DISP2: variants seen among roughly 807,000 people sequenced by gnomAD.
DISP2 encodes the protein dispatched RND transporter family member 2, also known as protein dispatched homolog 2.
A neutral mutation model predicts 95.5 loss-of-function variants in DISP2; 59 were observed. That is an observed-to-expected ratio of 0.62 (90% confidence interval 0.50 to 0.77). The LOEUF (loss-of-function observed/expected upper bound fraction) is 0.77. DISP2 is among the 30% of genes least tolerant of loss of function. The pLI is 0.00. For synonymous variants in DISP2, 827 were observed against 815.0 expected (o/e 1.01, Z -0.25); for missense variants, 1,752 against 1,854.6 (o/e 0.94, Z 1.02).
In DISP2 at chr15:40,363,686, T is replaced by C; in HGVS notation, c.181T>C (p.Cys61Arg). 6.3e-7 allele frequency: 1 copy of C among 1,599,614 alleles called. No homozygotes were observed. Reference sequence around the variant, plus strand: ...AGAGAGAAGCTGCTCCCTCCACAGCTGCCCCCTGGAGGACCCTTCCAGCTC... The same window carrying C: ...AGAGAGAAGCTGCTCCCTCCACAGCCGCCCCCTGGAGGACCCTTCCAGCTC... ...SPERSCSLHS[C>R]PLEDPSSSSG... The change falls in exon 2 of 8, where the codon TGC becomes CGC. Residue 61 changes from cysteine to arginine, a missense_variant. Transcript: ENST00000267889.
At chr15:40,365,821 G>A in intron 7 of DISP2, 96 bp downstream of exon 7, 2 of 1,220,440 alleles carry the variant, frequency 1.6e-6, no homozygotes, top group Middle Eastern at 4.9e-4. Flanking sequence ...ACTGCCAGGG[G>A]GTGGACTGGG....
rs1015808441 is a variant in DISP2 at position 40,358,244 on chromosome 15, T to TGCCGCCGCCACCGCCGCCGCC, written c.-68_-48dup. The TGCCGCCGCCACCGCCGCCGCC allele has an allele frequency of 1.8e-5, 14 of 779,808 alleles. No homozygotes were observed. In the Admixed American group the frequency reaches 5.9e-4, roughly 33 times the overall value. The allele number at this position is 779,808 out of a possible 1,614,324, so 48.3% of individuals were successfully genotyped here. A position where few individuals can be genotyped will look rare whatever the true frequency, so the allele number is the denominator to read the frequency against. ...ATGCGCACGAGCACCCCGCCGCCGCTGCCGCCGCCACCGCCGCCGCCGCCG... is the reference window on the plus strand; with the variant it reads ...ATGCGCACGAGCACCCCGCCGCCGCTGCCGCCGCCACCGCCGCCGCCGCCGCCGCCACCGCCGCCGCCGCCG... On this transcript the variant is annotated 5_prime_UTR_variant, in exon 1 of 8. Coordinates refer to ENST00000267889, the MANE Select transcript of DISP2 (RefSeq NM_033510.3).
In DISP2 at chr15:40,370,015, C is replaced by T; in HGVS notation, c.3903C>T (p.Ser1301=). Residue 1301 remains serine, a synonymous_variant, in exon 8 of 8, where the codon AGC becomes AGT. Transcript: ENST00000267889. ...GLSVSDETCL[S]TSEPSARVPD... ...GCGTCTCTGATGAGACCTGCCTAAG[C>T]ACCTCTGAGCCCAGTGCCCGTGTAC... 5 of 1,614,094 alleles carry T rather than the reference C, an allele frequency of 3.1e-6. No individual in the cohort carries two copies. Among genetic ancestry groups the T allele is most frequent in the Non-Finnish European group, 3.4e-6 (4 of 1,180,028 alleles).
At chr15:40,362,845 C>T (rs567392315) in intron 1 of DISP2, among the ~76,000 whole-genome samples, 1 of 152,220 alleles carries the variant, frequency 6.6e-6, no homozygotes, top group African/African-American at 2.4e-5. Context: ...AGCACGTGCT[C>T]AATAATCTGT....
chr15:40,363,022 G>A (rs762879222), intron 1 of DISP2, among the ~76,000 whole-genome samples: 11 of 152,106 alleles, frequency 7.2e-5, no homozygotes, highest in African/African-American at 1.4e-4. Flanking sequence ...GAGTAAGATC[G>A]GCTGGGCGCG....
rs1158706008 is a variant in DISP2 at position 40,370,937 on chromosome 15, CAGG to C, written c.*622_*624del. 1 of 264,984 alleles carries C rather than the reference CAGG, an allele frequency of 3.8e-6. No individual in the cohort carries two copies. Among genetic ancestry groups the C allele is most frequent in the South Asian group, 4.2e-5 (1 of 23,968 alleles). 16.4% of individuals were successfully genotyped at this position (264,984 alleles called of 1,614,324 possible). Reference sequence around the variant, plus strand: ...CCATAGATGGCTGCTGGGTGTGCAGCAGGAGAAGGAGGATGGTCAGCCTTGGAG... The same window carrying C: ...CCATAGATGGCTGCTGGGTGTGCAGCAGAAGGAGGATGGTCAGCCTTGGAG... On this transcript the variant is annotated 3_prime_UTR_variant, in exon 8 of 8. Transcript: ENST00000267889.
rs1889726879 is a variant in DISP2, at chr15:40,375,958, G to GT, written c.*5641dup. 6.6e-6 allele frequency: 1 copy of GT among 152,084 alleles called. No homozygotes were observed. Among genetic ancestry groups the GT allele is most frequent in the South Asian group, 2.1e-4 (1 of 4,820 alleles). The allele number at this position is 152,084 out of a possible 1,614,324, so 9.4% of individuals were successfully genotyped here. ...CTACTCTGGCTCCTTGCTCTGCGCT[G>GT]TAAAAAACAAATAAAAGGGCCACTT... On this transcript the variant is annotated 3_prime_UTR_variant, in exon 8 of 8. Transcript: ENST00000267889.
chr15:40,358,334 A>AGCAGCAGCAGCAGCG lies in DISP2; in HGVS notation c.16_30dup (p.Ser6_Gly10dup), dbSNP rs1889349112. On this transcript the variant is annotated inframe_insertion, in exon 1 of 8. Coordinates refer to ENST00000267889, the MANE Select transcript of DISP2 (RefSeq NM_033510.3). The stretch of plus-strand genomic sequence containing the variant: ...GCCGCCCACGGGCATGGACGGTGAC[A>AGCAGCAGCAGCAGCG]GCAGCAGCAGCAGCGGCGGCAGCGG... 7.5e-7 allele frequency: 1 copy of AGCAGCAGCAGCAGCG among 1,342,118 alleles called. No individual in the cohort carries two copies. Among genetic ancestry groups the AGCAGCAGCAGCAGCG allele is most frequent in the African/African-American group, 1.5e-5 (1 of 65,926 alleles). 83.1% of individuals were successfully genotyped at this position (1,342,118 alleles called of 1,614,324 possible).
Position 40,365,656 on chromosome 15 carries a change from G to A in DISP2, c.876G>A (p.Met292Ile). ...AGAGCTATGCAAAGCTGGTGTTCATGTCCACCTCCTCGGGCAGCCTATGGA... is the reference window on the plus strand; with the variant it reads ...AGAGCTATGCAAAGCTGGTGTTCATATCCACCTCCTCGGGCAGCCTATGGA... ...PEKSYAKLVFMSTSSGSLWNL... is the reference protein window; with the variant it reads ...PEKSYAKLVFISTSSGSLWNL... The change falls in exon 7 of 8, where the codon ATG becomes ATA. Residue 292 changes from methionine (M) to isoleucine (I), a missense_variant. Met to Ile is a conservative substitution (Grantham distance 10, BLOSUM62 1). Transcript: ENST00000267889. 2.5e-6 allele frequency: 4 copies of A among 1,614,144 alleles called. No homozygotes were observed. The Middle Eastern group carries it at 6.6e-4, about 266-fold the overall frequency.
At position 40,367,695 on chromosome 15, in the gene DISP2, T is replaced by C. The variant is rs1352209492; in HGVS notation, c.1583T>C (p.Phe528Ser). 1.2e-6 allele frequency: 2 copies of C among 1,613,822 alleles called. No individual in the cohort carries two copies. The highest frequency in any genetic ancestry group is 3.3e-5 in the Admixed American group (2 of 60,012). ...LGVLGSLLVA[F>S]FLYQVAFRMA... ...GTGCTGGGCTCACTGCTGGTGGCCT[T>C]CTTCCTTTACCAGGTGGCCTTCCGC... Residue 528 changes from phenylalanine to serine, a missense_variant, in exon 8 of 8, where the codon TTC becomes TCC. Physicochemically the swap from Phe to Ser is radical, Grantham distance 155. This residue lies in a region of DISP2 where 732 missense variants were observed against 714.6 expected (regional missense o/e 1.02). Transcript: ENST00000267889.
At position 40,370,286 on chromosome 15, in the gene DISP2, C is replaced by G. The variant is rs750197915; in HGVS notation, c.4174C>G (p.Pro1392Ala). The G allele has an allele frequency of 6.4e-7, 1 of 1,553,698 alleles. No homozygotes were observed. The highest frequency in any genetic ancestry group is 8.7e-7 in the Non-Finnish European group (1 of 1,148,968). ...PDLPDVWLRRPSTHTSGYSS is the reference protein window; with the variant it reads ...PDLPDVWLRRASTHTSGYSS ...CCTGCCAGATGTTTGGCTGCGCAGG[C>G]CCAGCACTCACACGTCAGGCTATAG... The change falls in exon 8 of 8, where the codon CCC (proline) becomes GCC (alanine). Residue 1392 changes from proline (P) to alanine (A), a missense_variant. Physicochemically the swap from Pro to Ala is conservative, Grantham distance 27 (BLOSUM62 -1). Around this residue, in one of 5 missense-constraint regions of DISP2, gnomAD observed 347 missense variants for 344.2 expected, o/e 1.01. Coordinates refer to ENST00000267889, the MANE Select transcript of DISP2 (RefSeq NM_033510.3).
rs1333217104 is a variant in DISP2 at position 40,374,024 on chromosome 15, T to C, written c.*3706T>C. ...ATCTTAAAAAAAAAAAATATATATA[T>C]ATATATATGTAAACTTGATATAGTC... On this transcript the variant is annotated 3_prime_UTR_variant, in exon 8 of 8. Coordinates refer to ENST00000267889, the MANE Select transcript of DISP2 (RefSeq NM_033510.3). The C allele has an allele frequency of 8.0e-6, 1 of 124,308 alleles. No homozygotes were observed. Among genetic ancestry groups the C allele is most frequent in the Non-Finnish European group, 1.7e-5 (1 of 59,104 alleles). The allele number at this position is 124,308 out of a possible 1,614,324, so 7.7% of individuals were successfully genotyped here. A position where few individuals can be genotyped will look rare whatever the true frequency, so the allele number is the denominator to read the frequency against.
At position 40,372,159 on chromosome 15, in the gene DISP2, G is replaced by A. The variant is rs914369064; in HGVS notation, c.*1841G>A. On this transcript the variant is annotated 3_prime_UTR_variant, in exon 8 of 8. Coordinates refer to ENST00000267889, the MANE Select transcript of DISP2 (RefSeq NM_033510.3). ...CTACTCTGGTGGGCGCTGGGTGTTG[G>A]GGGTGGAGTCAGCTTAGCCTGTCTT... is the stretch of plus-strand genomic sequence containing the variant. 1 of 152,148 alleles carries A rather than the reference G, an allele frequency of 6.6e-6. No individual in the cohort carries two copies. Among genetic ancestry groups the A allele is most frequent in the African/African-American group, 2.4e-5 (1 of 41,412 alleles). The allele number at this position is 152,148 out of a possible 1,614,324, so 9.4% of individuals were successfully genotyped here. A position where few individuals can be genotyped will look rare whatever the true frequency, so the allele number is the denominator to read the frequency against.
At position 40,363,895 on chromosome 15, in the gene DISP2, C is replaced by G. The variant is rs762737284; in HGVS notation, c.390C>G (p.Pro130=). Residue 130 remains proline (P), a synonymous_variant, in exon 2 of 8, where the codon CCC becomes CCG. Transcript: ENST00000267889. ...CCAGCCTCAGCCCTTCTCCAGCCCC[C>G]TCACAGCGCGATGGGACCTGGAAGC... ...HGSSLSPSPA[P]SQRDGTWKPP... 6.3e-7 allele frequency: 1 copy of G among 1,575,394 alleles called. No homozygotes were observed. The highest frequency in any genetic ancestry group is 8.6e-7 in the Non-Finnish European group (1 of 1,158,176).
chr15:40,364,588 C>A (rs1423673972), intron 4 of DISP2, 44 bp downstream of exon 4: 14 of 1,598,958 alleles, frequency 8.8e-6, no homozygotes, highest in Non-Finnish European at 1.2e-5. Flanking sequence ...GCCTGGCCAC[C>A]TTGACCCAGC....
Position 40,373,510 on chromosome 15 carries a change from C to T in DISP2, c.*3192C>T, listed in dbSNP as rs1421931608. ...CTAGACGTTAGGAGTTTGAGACCAG[C>T]CTGGCCAACATGGTGAAACCCCGCC... On this transcript the variant is annotated 3_prime_UTR_variant, in exon 8 of 8. Coordinates refer to ENST00000267889, the MANE Select transcript of DISP2 (RefSeq NM_033510.3). 6.7e-6 allele frequency: 1 copy of T among 150,140 alleles called. No homozygotes were observed. Among genetic ancestry groups the T allele is most frequent in the Admixed American group, 6.7e-5 (1 of 14,976 alleles). The allele number at this position is 150,140 out of a possible 1,614,324, so 9.3% of individuals were successfully genotyped here.
Position 40,374,003 on chromosome 15 carries a change from T to TAAAAAAAAAAAAAAAAA in DISP2, c.*3697_*3698insAAAAAAAAAAAAAAAAA, listed in dbSNP as rs1555400587. 1.1e-4 allele frequency: 12 copies of TAAAAAAAAAAAAAAAAA among 114,136 alleles called. No individual in the cohort carries two copies. The highest frequency in any genetic ancestry group is 1.7e-4 in the Admixed American group (2 of 11,894). The allele number at this position is 114,136 out of a possible 1,614,324, so 7.1% of individuals were successfully genotyped here. A position where few individuals can be genotyped will look rare whatever the true frequency, so the allele number is the denominator to read the frequency against. ...TGGGCAACAGAGCGAGACTCCATCT[T>TAAAAAAAAAAAAAAAAA]AAAAAAAAAAAATATATATATATAT... On this transcript the variant is annotated 3_prime_UTR_variant, in exon 8 of 8. Coordinates refer to ENST00000267889, the MANE Select transcript of DISP2 (RefSeq NM_033510.3).
chr15:40,358,413 T>C lies in DISP2; in HGVS notation c.92T>C (p.Leu31Ser). 1 of 1,336,542 alleles carries C rather than the reference T, an allele frequency of 7.5e-7. No homozygotes were observed. 82.8% of individuals were successfully genotyped at this position (1,336,542 alleles called of 1,614,324 possible). A position where few individuals can be genotyped will look rare whatever the true frequency, so the allele number is the denominator to read the frequency against. Residue 31 changes from leucine to serine, a missense_variant, in exon 1 of 8, where the codon TTG (leucine) becomes TCG (serine). Physicochemically the swap from Leu to Ser is moderately radical, Grantham distance 145. This residue lies in a region of DISP2 where 342 missense variants were observed against 364.3 expected (regional missense o/e 0.94). Coordinates refer to ENST00000267889, the MANE Select transcript of DISP2 (RefSeq NM_033510.3). ...GAGCAACGGCCCGAGGGGGAGCCCT[T>C]GGCCCCAGACGGCGGCTCCCCGGAC... The part of the protein sequence containing the change: ...EGEQRPEGEP[L>S]APDGGSPDST...
Position 40,363,804 on chromosome 15 carries a change from A to C in DISP2, c.299A>C (p.Gln100Pro), listed in dbSNP as rs750724751. 164 of 1,612,484 alleles carry C rather than the reference A, an allele frequency of 1.0e-4. No individual in the cohort carries two copies. Among genetic ancestry groups the C allele is most frequent in the Non-Finnish European group, 1.4e-4 (162 of 1,179,074 alleles). The change falls in exon 2 of 8, where the codon CAG becomes CCG. Residue 100 changes from glutamine (Q) to proline (P), a missense_variant. Coordinates refer to ENST00000267889, the MANE Select transcript of DISP2 (RefSeq NM_033510.3). ...CACTTCACCTATCCCCGGGCACTGC[A>C]GGAATACCAGGGGGGCAGTTCCCTG... Reference protein sequence around the residue: ...PAHFTYPRALQEYQGGSSLPG... With the variant: ...PAHFTYPRALPEYQGGSSLPG...
Sources: gnomAD v4.1 joint callset for allele counts (sites outside exome capture counted in the v4.1 genomes callset) on GRCh38, gnomAD v4.1.1 for gene constraint, gnomAD v4.1.1 regional missense constraint, MANE v1.5 for transcripts, NCBI Gene and HGNC (gene_info 2026-07-23, HGNC 2026-07-21) for gene names.